MADD: variants seen among roughly 807,000 people sequenced by gnomAD.
MADD encodes the protein MAP kinase-activating death domain protein.
Under a neutral mutation model 176.7 loss-of-function variants are expected in MADD, and 109 were observed. The observed-to-expected ratio is 0.62, with a 90% CI of 0.53 to 0.72. The LOEUF (loss-of-function observed/expected upper bound fraction) is 0.72, where lower values mean the gene tolerates loss of function less well. Among genes scored for constraint, MADD ranks in the 30% least tolerant of loss-of-function variants. The probability of loss-of-function intolerance (pLI) is 0.00; values close to 1 mark genes in which losing one functional copy is unlikely to be tolerated. For missense variants in MADD, 1,914 were observed against 2,045.5 expected, an observed-to-expected ratio of 0.94 and a Z score of 1.24; for synonymous variants, 771 against 771.3, an observed-to-expected ratio of 1.00 and a Z score of 0.01.
At chr11:47,305,032 G>A (rs763205037) in intron 22 of MADD, among the ~76,000 whole-genome samples, 2 of 152,146 alleles carry the variant, frequency 1.3e-5, no homozygotes, top group Admixed American at 6.5e-5. Flanking sequence ...ATAACTATGG[G>A]TGCCTCAAGA....
chr11:47,289,448 T>G (rs200094819), exon 16 of MADD: 1 of 1,614,046 alleles, frequency 6.2e-7, no homozygotes, highest in East Asian at 2.2e-5. Context: ...AGCCCAACAG[T>G]GAAAAGAGAA....
At chr11:47,301,353 G>A (rs569984251) in intron 22 of MADD, among the ~76,000 whole-genome samples, 92 of 151,988 alleles carry the variant, frequency 6.1e-4, no homozygotes, top group African/African-American at 2.2e-3. Flanking sequence ...CCTGGCCTAA[G>A]GTGATCCACC....
chr11:47,285,271 G>T, intron 13 of MADD, 77 bp downstream of exon 13: 2 of 1,570,176 alleles, frequency 1.3e-6, no homozygotes, highest in Non-Finnish European at 1.7e-6. Flanking sequence ...GGGTTAATCA[G>T]AAAGTCTGAG....
rs572856988 is a variant in MADD at position 47,311,975 on chromosome 11, G to A, written c.4089+133G>A. 8.2e-6 allele frequency: 5 copies of A among 607,998 alleles called. No homozygotes were observed. In the East Asian group the frequency reaches 1.4e-4, roughly 17 times the overall value. 37.7% of individuals were successfully genotyped at this position (607,998 alleles called of 1,614,324 possible). A position where few individuals can be genotyped will look rare whatever the true frequency, so the allele number is the denominator to read the frequency against. ...CTGTAAATGAGGCATTAGTCCCTGT[G>A]TTCTGTGATGGGATTCTCTGTATAA... On this transcript the variant is annotated intron_variant, in intron 26 of 32. Transcript: ENST00000402192.
intron 14 of MADD, 84 bp from the exon 15 acceptor site, chr11:47,286,349 A>G (rs1306760044): frequency 2.4e-6 from 2 of 831,506 alleles, no homozygotes; most frequent in Non-Finnish European, 4.2e-6. Context: ...AAAAGGAGGG[A>G]GGTGCAGATG....
At chr11:47,290,084 C>T (rs1451233333) in intron 17 of MADD, 31 bp downstream of exon 18, 14 of 1,612,386 alleles carry the variant, frequency 8.7e-6, no homozygotes, top group African/African-American at 2.7e-5. Context: ...ATCGGAGTAA[C>T]TGGAGAGAGG....
At chr11:47,323,608 A>G (rs1209937349) in intron 27 of MADD, 63 bp from the exon 31 acceptor site, 4 of 1,554,208 alleles carry the variant, frequency 2.6e-6, no homozygotes, top group Non-Finnish European at 3.5e-6. Flanking sequence ...TCCCTGTAGG[A>G]AACAGTCTAG....
rs200116973 is a variant in MADD, at chr11:47,293,749, G to C, written c.3302-134G>C. The C allele has an allele frequency of 1.6e-4, 97 of 619,300 alleles. No homozygotes were observed. The East Asian group carries it at 1.9e-3, about 12-fold the overall frequency. 38.4% of individuals were successfully genotyped at this position (619,300 alleles called of 1,614,324 possible). On this transcript the variant is annotated intron_variant, in intron 19 of 32. Transcript: ENST00000402192. Reference sequence around the variant, plus strand: ...CCTCTTTTTCCAGTGGGTCCTGAGTGGGGGGTAGTCCTTGGAAAGGTGACT... The same window carrying C: ...CCTCTTTTTCCAGTGGGTCCTGAGTCGGGGGTAGTCCTTGGAAAGGTGACT...
chr11:47,288,120 C>T (rs2062149407), intron 15 of MADD, among the ~76,000 whole-genome samples: 1 of 152,090 alleles, frequency 6.6e-6, no homozygotes, highest in African/African-American at 2.4e-5. Context: ...CCTCTCATTC[C>T]TAGTGGTAAA....
chr11:47,329,623 G>C (rs747309858), exon 33 of MADD: 1 of 157,696 alleles, frequency 6.3e-6, no homozygotes, highest in African/African-American at 2.4e-5. Flanking sequence ...GGGAAGAATT[G>C]GGGGGCAGCC....
intron 9 of MADD, 98 bp downstream of exon 9, chr11:47,282,714 T>A: frequency 6.3e-7 from 1 of 1,589,830 alleles, no homozygotes; most frequent in Non-Finnish European, 8.6e-7. Flanking sequence ...GTGCCTTCTA[T>A]CCTGGCTCTG....
intron 5 of MADD, 39 bp downstream of exon 5, chr11:47,276,902 C>CT (rs763407187): frequency 1.2e-6 from 2 of 1,609,674 alleles, no homozygotes; most frequent in South Asian, 2.2e-5. Flanking sequence ...TCACCTCTGT[C>CT]TTCCTGAGGG....
intron 20 of MADD, 126 bp from the exon 23 acceptor site, chr11:47,295,370 C>A: frequency 1.4e-6 from 1 of 699,052 alleles, no homozygotes; most frequent in Non-Finnish European, 2.5e-6. Flanking sequence ...ACAAAAGTTG[C>A]TCGTGACTTC....
chr11:47,276,901 T>G, intron 5 of MADD, 38 bp downstream of exon 5: 2 of 1,610,228 alleles, frequency 1.2e-6, no homozygotes, highest in Non-Finnish European at 1.7e-6. Flanking sequence ...CTCACCTCTG[T>G]CTTCCTGAGG....
chr11:47,278,150 T>TTA lies in MADD; in HGVS notation c.1096-13_1096-12dup. 1 of 1,573,560 alleles carries TTA rather than the reference T, an allele frequency of 6.4e-7. No homozygotes were observed. The highest frequency in any genetic ancestry group is 8.7e-7 in the Non-Finnish European group (1 of 1,143,346). On this transcript the variant is annotated splice_polypyrimidine_tract_variant and intron_variant, in intron 5 of 32. Transcript: ENST00000402192. ...GTTTTGTCTTTGTTTCTCACCTTCTTTATCATTTCCACAGCTGCTGTTGGC... is the reference window on the plus strand; with the variant it reads ...GTTTTGTCTTTGTTTCTCACCTTCTTTATATCATTTCCACAGCTGCTGTTGGC...
intron 22 of MADD, among the ~76,000 whole-genome samples, chr11:47,299,286 C>A (rs1299155252): frequency 6.6e-6 from 1 of 151,994 alleles, no homozygotes; most frequent in Non-Finnish European, 1.5e-5. Context: ...AATATTCGTC[C>A]AATCCATGAA....
chr11:47,287,928 T>C (rs1037942195), intron 15 of MADD, among the ~76,000 whole-genome samples: 4 of 151,658 alleles, frequency 2.6e-5, no homozygotes, highest in Non-Finnish European at 4.4e-5. Flanking sequence ...GCCGGGACTA[T>C]AGGAGCCTGC....
At chr11:47,322,757 A>T (rs751455225) in intron 27 of MADD, among the ~76,000 whole-genome samples, 32 of 152,236 alleles carry the variant, frequency 2.1e-4, no homozygotes, top group Non-Finnish European at 3.8e-4. Flanking sequence ...ATTAATTTTT[A>T]AAAATATTTT....
At chr11:47,323,646 T>A in intron 27 of MADD, 25 bp from the exon 31 acceptor site, 1 of 1,607,662 alleles carries the variant, frequency 6.2e-7, no homozygotes, top group Non-Finnish European at 8.5e-7. Context: ...CAGGAACCAC[T>A]GAGCCGCTTT....
Sources: gnomAD v4.1 joint callset for allele counts (sites outside exome capture counted in the v4.1 genomes callset) on GRCh38, gnomAD v4.1.1 for gene constraint, MANE v1.5 for transcripts, NCBI Gene and HGNC (gene_info 2026-07-23, HGNC 2026-07-21) for gene names.